The following HTR7 variants were observed in gnomAD, a reference collection of about 807,000 sequenced individuals.
HTR7 encodes 5-hydroxytryptamine receptor 7.
In HTR7, 16 loss-of-function variants were observed where a neutral mutation model predicts 34.0. The ratio of observed to expected loss-of-function variants is 0.47; its 90% confidence interval spans 0.32 to 0.71. The LOEUF (loss-of-function observed/expected upper bound fraction) is 0.71, where lower values mean the gene tolerates loss of function less well. Ranked by LOEUF, HTR7 falls within the 30% of genes least tolerant of loss-of-function variation. The pLI is 0.04. For missense variants in HTR7, 504 were observed against 625.5 expected (o/e 0.81, Z 2.07); for synonymous variants, 265 against 260.2 (o/e 1.02, Z -0.18).
rs1844544595 is a variant in HTR7, at chr10:90,741,544, G to T, written c.*938C>A. The T allele has an allele frequency of 6.6e-6, 1 of 152,172 alleles. No individual in the cohort carries two copies. The highest frequency in any genetic ancestry group is 2.1e-4 in the South Asian group (1 of 4,828). The allele number at this position is 152,172 out of a possible 1,614,324, so 9.4% of individuals were successfully genotyped here. A position where few individuals can be genotyped will look rare whatever the true frequency, so the allele number is the denominator to read the frequency against. ...TAACACAATGCAGCTCAACAAGAAT[G>T]AACATGTTTATGCCCCATCTCCAGA... On this transcript the variant is annotated 3_prime_UTR_variant, in exon 4 of 4. Coordinates refer to ENST00000336152, the MANE Select transcript of HTR7 (RefSeq NM_019859.4).
intron 1 of HTR7, among the ~76,000 whole-genome samples, chr10:90,776,767 TA>T (rs1308381487): frequency 1.3e-5 from 2 of 152,330 alleles, no homozygotes; most frequent in African/African-American, 4.8e-5. Flanking sequence ...TAAAATATAT[TA>T]GGTAGATATC....
intron 1 of HTR7, among the ~76,000 whole-genome samples, chr10:90,807,426 A>G (rs929622430): frequency 2.6e-5 from 4 of 152,122 alleles, no homozygotes; most frequent in African/African-American, 9.7e-5. Context: ...ACATTCCACC[A>G]CAAAAGAAGT....
chr10:90,751,054 TTCCAAGGAGCCAGGCGTTCA>T (rs1180109886), intron 1 of HTR7, among the ~76,000 whole-genome samples: 1 of 152,184 alleles, frequency 6.6e-6, no homozygotes, highest in African/African-American at 2.4e-5. Context: ...TTCTGATCCC[TTCCAAGGAGCCAGGCGTTCA>T]TGACGCTGGT....
At chr10:90,783,552 C>T (rs1845338802) in intron 1 of HTR7, among the ~76,000 whole-genome samples, 1 of 152,188 alleles carries the variant, frequency 6.6e-6, no homozygotes, top group Non-Finnish European at 1.5e-5. Flanking sequence ...CTCTTACTTT[C>T]TTGCCAGCTC....
Position 90,749,323 on chromosome 10 carries a change from C to A in HTR7, c.811G>T (p.Ala271Ser). ...QIYKAARKSA[A>S]KHKFPGFPRV... ...GGGAAGCCAGGAAACTTGTGTTTGG[C>A]AGCACTCTTCCTGGCAGCCTTGTAA... The change falls in exon 2 of 4, where the codon GCC (alanine) becomes TCC (serine). Residue 271 changes from alanine to serine, a missense_variant. Around this residue, in one of 4 missense-constraint regions of HTR7, gnomAD observed 57 missense variants for 47.5 expected, o/e 1.20. Transcript: ENST00000336152. The surrounding 1 kb of genome is among the most constrained non-coding windows in gnomAD (Gnocchi z 4.2). 1.2e-6 allele frequency: 2 copies of A among 1,614,194 alleles called. No individual in the cohort carries two copies. Among genetic ancestry groups the A allele is most frequent in the Non-Finnish European group, 1.7e-6 (2 of 1,180,042 alleles).
chr10:90,803,057 A>C (rs1589456568), intron 1 of HTR7, among the ~76,000 whole-genome samples: 1 of 136,316 alleles, frequency 7.3e-6, no homozygotes, highest in Non-Finnish European at 1.5e-5. Flanking sequence ...CAGCAGATCC[A>C]TATGGGCCTA....
At chr10:90,849,501 C>A (rs954956475) in intron 1 of HTR7, among the ~76,000 whole-genome samples, 1 of 152,148 alleles carries the variant, frequency 6.6e-6, no homozygotes, top group East Asian at 1.9e-4. Context: ...AGGAAAGAAT[C>A]TGGTACAATA....
intron 1 of HTR7, among the ~76,000 whole-genome samples, chr10:90,760,638 G>T (rs553949872): frequency 7.2e-5 from 11 of 152,242 alleles, no homozygotes; most frequent in Admixed American, 7.2e-4. Context: ...CCCGCAATTT[G>T]GGAGGCCAAG....
chr10:90,806,759 C>T (rs1056601519), intron 1 of HTR7, among the ~76,000 whole-genome samples: 2 of 152,160 alleles, frequency 1.3e-5, no homozygotes, highest in Non-Finnish European at 2.9e-5. Context: ...GAGAAACATT[C>T]AATCCCTTGG....
chr10:90,821,118 A>C (rs1252231315), intron 1 of HTR7, among the ~76,000 whole-genome samples: 1 of 131,356 alleles, frequency 7.6e-6, no homozygotes, highest in Non-Finnish European at 1.6e-5. Flanking sequence ...ACACTCACAC[A>C]AACACACACA....
At chr10:90,848,486 A>G (rs1846447495) in intron 1 of HTR7, among the ~76,000 whole-genome samples, 1 of 152,200 alleles carries the variant, frequency 6.6e-6, no homozygotes, top group Admixed American at 6.5e-5. Context: ...TCACATATGT[A>G]TATACTTTAT....
intron 1 of HTR7, among the ~76,000 whole-genome samples, chr10:90,773,309 G>C (rs1845147465): frequency 6.6e-6 from 1 of 151,954 alleles, no homozygotes; most frequent in South Asian, 2.1e-4. Context: ...TTCCTCTATA[G>C]GTGTCATTCT....
intron 1 of HTR7, among the ~76,000 whole-genome samples, chr10:90,855,370 A>G (rs1846562537): frequency 6.6e-6 from 1 of 152,232 alleles, no homozygotes; most frequent in South Asian, 2.1e-4. Context: ...CCAAACCTCA[A>G]TGTAGCCCAG....
chr10:90,844,410 T>A (rs1390795713), intron 1 of HTR7, among the ~76,000 whole-genome samples: 1 of 152,052 alleles, frequency 6.6e-6, no homozygotes, highest in African/African-American at 2.4e-5. Flanking sequence ...GAACCATGGA[T>A]ATAATCACAT....
intron 1 of HTR7, among the ~76,000 whole-genome samples, chr10:90,791,247 T>C (rs1448181747): frequency 6.6e-6 from 1 of 151,914 alleles, no homozygotes; most frequent in Non-Finnish European, 1.5e-5. Context: ...GATATATATA[T>C]ATATTTAGAA....
At chr10:90,818,842 G>A (rs1287283730) in intron 1 of HTR7, among the ~76,000 whole-genome samples, 1 of 152,198 alleles carries the variant, frequency 6.6e-6, no homozygotes, top group African/African-American at 2.4e-5. Flanking sequence ...CATGGAGGCA[G>A]ACTTCCTCCC....
intron 1 of HTR7, among the ~76,000 whole-genome samples, chr10:90,838,404 T>C (rs1185305522): frequency 6.6e-6 from 1 of 152,130 alleles, no homozygotes; most frequent in African/African-American, 2.4e-5. Flanking sequence ...CTGTCTCCAC[T>C]ACTCCAACCC....
intron 1 of HTR7, among the ~76,000 whole-genome samples, chr10:90,853,285 T>G (rs1242986809): frequency 7.4e-6 from 1 of 134,812 alleles, no homozygotes; most frequent in Non-Finnish European, 1.5e-5. Context: ...TCTTTTTTTT[T>G]TCTTTTTTTT....
chr10:90,741,903 C>G lies in HTR7; in HGVS notation c.*579G>C, dbSNP rs1054681285. On this transcript the variant is annotated 3_prime_UTR_variant, in exon 4 of 4. Transcript: ENST00000336152. ...CAGAAAAGTACATAGGTGGGGAAAT[C>G]ACAGAGACCCTGCAGAAAAGCCAAA... 2.0e-5 allele frequency: 3 copies of G among 151,518 alleles called. No individual in the cohort carries two copies. The highest frequency in any genetic ancestry group is 7.3e-5 in the African/African-American group (3 of 41,314). The allele number at this position is 151,518 out of a possible 1,614,324, so 9.4% of individuals were successfully genotyped here.
Sources: gnomAD v4.1 joint callset for allele counts (sites outside exome capture counted in the v4.1 genomes callset) on GRCh38, gnomAD v4.1.1 for gene constraint, gnomAD v4.1.1 regional missense constraint, Gnocchi (gnomAD v3.1) non-coding constraint, MANE v1.5 for transcripts, NCBI Gene and HGNC (gene_info 2026-07-23, HGNC 2026-07-21) for gene names.